The following RASGRP3 variants were observed in gnomAD, a reference collection of about 807,000 sequenced individuals.
The protein encoded by RASGRP3 is RAS guanyl releasing protein 3.
In RASGRP3, 54 loss-of-function variants were observed where a neutral mutation model predicts 82.7. The observed-to-expected ratio is 0.65, with a 90% CI of 0.52 to 0.82. The LOEUF (loss-of-function observed/expected upper bound fraction) is 0.82, where lower values mean the gene tolerates loss of function less well. Among genes scored for constraint, RASGRP3 ranks in the 40% least tolerant of loss-of-function variants. The pLI, the probability that RASGRP3 is intolerant of heterozygous loss-of-function variation, is 0.00. For missense variants in RASGRP3, 861 were observed against 828.9 expected (o/e 1.04, Z -0.48); for synonymous variants, 309 against 300.5 (o/e 1.03, Z -0.29).
At position 33,537,416 on chromosome 2, in the gene RASGRP3, C is replaced by T. The variant is rs1049587848; in HGVS notation, c.1162-1678C>T. Among the ~76,000 whole-genome samples the T allele has an allele frequency of 5.3e-5, 8 of 150,008 alleles. No individual in the cohort carries two copies. The South Asian group carries it at 6.4e-4, about 12-fold the overall frequency. On this transcript the variant is annotated intron_variant, in intron 11 of 17. Transcript: ENST00000403687. ...TGCTGTGTCTCCCAGGCTGGAGTAC[C>T]GTGGCAATCTCAGCTCACTGCAACC...
chr2:33,548,261 T>C (rs907409766), intron 13 of RASGRP3, among the ~76,000 whole-genome samples: 1 of 145,498 alleles, frequency 6.9e-6, no homozygotes, highest in Non-Finnish European at 1.5e-5. Flanking sequence ...CTCGGGAGGC[T>C]GAGGCAGGAG....
intron 1 of RASGRP3, among the ~76,000 whole-genome samples, chr2:33,493,596 G>C (rs1225394541): frequency 8.3e-6 from 1 of 120,174 alleles, no homozygotes; most frequent in Non-Finnish European, 1.7e-5. Context: ...GACCCATTTA[G>C]AGTTCCCAGC....
At chr2:33,463,017 C>T (rs1380003505) in intron 2 of RASGRP3, among the ~76,000 whole-genome samples, 1 of 152,064 alleles carries the variant, frequency 6.6e-6, no homozygotes, top group Admixed American at 6.6e-5. Context: ...ATCCTAGAAT[C>T]AACAGTGGCA....
intron 2 of RASGRP3, among the ~76,000 whole-genome samples, chr2:33,468,924 A>G (rs550463848): frequency 1.3e-5 from 2 of 152,338 alleles, no homozygotes; most frequent in African/African-American, 4.8e-5. Context: ...AGCTTTTGAC[A>G]TACATTACAA....
chr2:33,502,584 C>G (rs997477440), intron 1 of RASGRP3, among the ~76,000 whole-genome samples: 1 of 150,374 alleles, frequency 6.7e-6, no homozygotes, highest in East Asian at 2.0e-4. Context: ...CGGCTCACTG[C>G]TCACTACAAC....
chr2:33,555,374 A>T (rs1351165856), intron 14 of RASGRP3, 157 bp from the exon 15 acceptor site: 3 of 523,076 alleles, frequency 5.7e-6, no homozygotes, highest in African/African-American at 2.0e-5. Flanking sequence ...GGGCCGGGAG[A>T]GGGTTCTTCT....
intron 2 of RASGRP3, among the ~76,000 whole-genome samples, chr2:33,514,245 A>C (rs75690383): frequency 0.045 from 6,861 of 152,262 alleles, 514 homozygotes; most frequent in African/African-American, 0.16. Context: ...CAGTTGTTGA[A>C]TATTTATGTA....
At chr2:33,486,990 A>T (rs566667359) in intron 1 of RASGRP3, among the ~76,000 whole-genome samples, 26 of 152,318 alleles carry the variant, frequency 1.7e-4, no homozygotes, top group African/African-American at 5.5e-4. Context: ...AAAATAAATG[A>T]TAATTAACCC....
intron 7 of RASGRP3, among the ~76,000 whole-genome samples, chr2:33,522,891 C>A (rs1672168259): frequency 6.6e-6 from 1 of 152,154 alleles, no homozygotes; most frequent in Non-Finnish European, 1.5e-5. Context: ...TTGGAGAGGA[C>A]CTTAACAATT....
At chr2:33,482,323 G>C (rs900135540) in intron 1 of RASGRP3, 1 of 152,174 alleles carries the variant, frequency 6.6e-6, no homozygotes, top group East Asian at 1.9e-4. Flanking sequence ...CGCAGCTTAG[G>C]GTAATGTTTT....
intron 2 of RASGRP3, among the ~76,000 whole-genome samples, chr2:33,459,604 G>A (rs1202805315): frequency 6.9e-6 from 1 of 144,792 alleles, no homozygotes; most frequent in East Asian, 1.9e-4. Flanking sequence ...TGTGAACTGA[G>A]CTCAACTTTG....
intron 1 of RASGRP3, chr2:33,482,333 T>G (rs1311079775): frequency 6.6e-6 from 1 of 152,204 alleles, no homozygotes; most frequent in Non-Finnish European, 1.5e-5. Flanking sequence ...GGTAATGTTT[T>G]TAAAGGAACT....
At position 33,558,199 on chromosome 2, in the gene RASGRP3, G is replaced by T; in HGVS notation, c.1580-12G>T. The T allele has an allele frequency of 6.2e-7, 1 of 1,608,498 alleles. No homozygotes were observed. Among genetic ancestry groups the T allele is most frequent in the East Asian group, 2.2e-5 (1 of 44,784 alleles). On this transcript the variant is annotated splice_polypyrimidine_tract_variant and intron_variant, in intron 15 of 17. Transcript: ENST00000403687. ...CACACTAATCATCTGCGACACCCTT[G>T]GAATTTTTCAGACTGTGGAGCCAAT...
At chr2:33,488,509 A>C (rs1195994185) in intron 1 of RASGRP3, among the ~76,000 whole-genome samples, 1 of 152,226 alleles carries the variant, frequency 6.6e-6, no homozygotes. Context: ...AAGGAGGTAA[A>C]ATGCTCTCAC....
intron 1 of RASGRP3, among the ~76,000 whole-genome samples, chr2:33,488,373 T>C (rs1668572133): frequency 6.6e-6 from 1 of 152,236 alleles, no homozygotes; most frequent in African/African-American, 2.4e-5. Flanking sequence ...TCCTTACCTC[T>C]AACAACTCTG....
intron 1 of RASGRP3, among the ~76,000 whole-genome samples, chr2:33,490,034 T>G (rs1299310706): frequency 1.3e-5 from 2 of 152,252 alleles, no homozygotes; most frequent in Non-Finnish European, 2.9e-5. Flanking sequence ...TATATCTCTA[T>G]GATTTATGTG....
At chr2:33,525,340 GAA>G (rs1491333805) in intron 9 of RASGRP3, among the ~76,000 whole-genome samples, 1 of 119,008 alleles carries the variant, frequency 8.4e-6, no homozygotes, top group African/African-American at 3.6e-5. Context: ...GAATTGTCAT[GAA>G]TATATATATA....
intron 1 of RASGRP3, chr2:33,481,163 G>A (rs1667857126): frequency 6.6e-6 from 1 of 152,582 alleles, no homozygotes; most frequent in Admixed American, 6.5e-5. Context: ...TCTTTCTTTT[G>A]TTTTGTTTTT....
intron 9 of RASGRP3, 70 bp downstream of exon 9, chr2:33,524,618 C>G: frequency 3.5e-6 from 4 of 1,155,282 alleles, no homozygotes; most frequent in Non-Finnish European, 4.9e-6. Context: ...TAGTATACGC[C>G]TAACAAATGT....
Sources: allele counts gnomAD v4.1 joint callset (sites outside exome capture counted in the v4.1 genomes callset), GRCh38; gene constraint gnomAD v4.1.1; transcripts MANE v1.5; gene names NCBI Gene and HGNC (gene_info 2026-07-23, HGNC 2026-07-21).